TRIP4: variants seen among roughly 807,000 people sequenced by gnomAD.
TRIP4 encodes thyroid hormone receptor interactor 4.
In TRIP4, 54 loss-of-function variants were observed where a neutral mutation model predicts 81.8. That is an observed-to-expected ratio of 0.66 (90% confidence interval 0.53 to 0.83). TRIP4 has a LOEUF of 0.83. Among genes scored for constraint, TRIP4 ranks in the 40% least tolerant of loss-of-function variants. The pLI is 0.00. For synonymous variants in TRIP4, 270 were observed against 242.8 expected, an observed-to-expected ratio of 1.11 and a Z score of -1.04; for missense variants, 662 against 683.6, an observed-to-expected ratio of 0.97 and a Z score of 0.35.
chr15:64,434,549 T>C (rs1341177463), intron 11 of TRIP4, among the ~76,000 whole-genome samples: 16 of 151,556 alleles, frequency 1.1e-4, no homozygotes, highest in Non-Finnish European at 4.4e-5. Flanking sequence ...TAACATGATC[T>C]GAGGCTTGCT....
chr15:64,387,974 G>A lies in TRIP4; in HGVS notation c.101+10G>A. Reference sequence around the variant, plus strand: ...GCGAGGAGATCATTCAGTGAGAACAGTTCGGGTCCAAGCGGGGAAGGAGCT... The same window carrying A: ...GCGAGGAGATCATTCAGTGAGAACAATTCGGGTCCAAGCGGGGAAGGAGCT... On this transcript the variant is annotated intron_variant, in intron 1 of 12. Coordinates refer to ENST00000261884, the MANE Select transcript of TRIP4 (RefSeq NM_016213.5). 1 of 1,546,180 alleles carries A rather than the reference G, an allele frequency of 6.5e-7. No homozygotes were observed. The highest frequency in any genetic ancestry group is 8.7e-7 in the Non-Finnish European group (1 of 1,143,670).
chr15:64,423,190 C>G (rs1036681114), intron 9 of TRIP4, among the ~76,000 whole-genome samples: 1 of 152,012 alleles, frequency 6.6e-6, no homozygotes, highest in Non-Finnish European at 1.5e-5. Context: ...CAAATGGAGC[C>G]GGGCATGGTG....
intron 9 of TRIP4, among the ~76,000 whole-genome samples, chr15:64,421,612 A>G (rs963727937): frequency 5.9e-5 from 9 of 152,074 alleles, no homozygotes; most frequent in African/African-American, 2.2e-4. Flanking sequence ...CTGGGATTAC[A>G]GACATGAGCC....
chr15:64,406,881 T>C (rs909721027), intron 6 of TRIP4, among the ~76,000 whole-genome samples: 21 of 152,248 alleles, frequency 1.4e-4, no homozygotes, highest in Admixed American at 1.4e-3. Flanking sequence ...GGGCATGATT[T>C]ACCCTTCTCC....
At chr15:64,405,224 G>C (rs901860930) in intron 5 of TRIP4, among the ~76,000 whole-genome samples, 2 of 149,914 alleles carry the variant, frequency 1.3e-5, no homozygotes, top group Non-Finnish European at 3.0e-5. Flanking sequence ...GCACGGTCTC[G>C]GCTCACTGTA....
chr15:64,421,031 C>T (rs112187155), intron 9 of TRIP4, among the ~76,000 whole-genome samples: 2,860 of 151,376 alleles, frequency 0.019, 47 homozygotes, highest in Non-Finnish European at 0.029. Flanking sequence ...GAATACCGGC[C>T]GGTCACGGTG....
chr15:64,397,738 C>T lies in TRIP4; in HGVS notation c.538C>T (p.Leu180Phe). ...PCDCLGQKHK[L>F]INNCLICGRI... ...TGATTGCCTGGGCCAGAAGCACAAGCTCATCAATAACTGTCTGATCTGTGG... is the reference window on the plus strand; with the variant it reads ...TGATTGCCTGGGCCAGAAGCACAAGTTCATCAATAACTGTCTGATCTGTGG... The change falls in exon 4 of 13, where the codon CTC (leucine) becomes TTC (phenylalanine). Residue 180 changes from leucine (L) to phenylalanine (F), a missense_variant. Physicochemically the swap from Leu to Phe is conservative, Grantham distance 22. Transcript: ENST00000261884. 2 of 1,614,234 alleles carry T rather than the reference C, an allele frequency of 1.2e-6. No homozygotes were observed. The highest frequency in any genetic ancestry group is 1.7e-6 in the Non-Finnish European group (2 of 1,180,038).
intron 11 of TRIP4, among the ~76,000 whole-genome samples, chr15:64,434,807 A>G (rs1166868514): frequency 1.3e-5 from 2 of 152,220 alleles, no homozygotes; most frequent in Non-Finnish European, 1.5e-5. Context: ...AAAGTGGTCT[A>G]TTTGATCTAG....
intron 1 of TRIP4, among the ~76,000 whole-genome samples, chr15:64,389,356 A>C (rs1229135707): frequency 6.6e-6 from 1 of 152,136 alleles, no homozygotes; most frequent in Admixed American, 6.6e-5. Flanking sequence ...TTGAGGCCCT[A>C]GGAGATGGCT....
intron 11 of TRIP4, among the ~76,000 whole-genome samples, chr15:64,428,132 G>A (rs1892189968): frequency 6.6e-6 from 1 of 152,140 alleles, no homozygotes; most frequent in East Asian, 1.9e-4. Flanking sequence ...CTGGCAATGT[G>A]GATGATGGTT....
chr15:64,416,394 C>T (rs1432020510), intron 8 of TRIP4, among the ~76,000 whole-genome samples: 1 of 152,012 alleles, frequency 6.6e-6, no homozygotes, highest in Non-Finnish European at 1.5e-5. Flanking sequence ...ATAATTTGGG[C>T]CTCAAGATTG....
chr15:64,448,010 T>G (rs1892671998), intron 12 of TRIP4, among the ~76,000 whole-genome samples: 1 of 152,190 alleles, frequency 6.6e-6, no homozygotes, highest in South Asian at 2.1e-4. Flanking sequence ...TGTTTAGGAT[T>G]TAGATCTCCT....
chr15:64,431,599 G>A (rs1892272502), intron 11 of TRIP4, among the ~76,000 whole-genome samples: 1 of 151,670 alleles, frequency 6.6e-6, no homozygotes, highest in Non-Finnish European at 1.5e-5. Flanking sequence ...CCAGCTACTT[G>A]GGAGGCTGAG....
rs895576365 is a variant in TRIP4, at chr15:64,388,154, A to G, written c.101+190A>G. 3.8e-6 allele frequency: 4 copies of G among 1,053,638 alleles called. 1 individual carries two copies. Among genetic ancestry groups the G allele is most frequent in the East Asian group, 6.5e-5 (2 of 30,840 alleles). 65.3% of individuals were successfully genotyped at this position (1,053,638 alleles called of 1,614,324 possible). ...TTTCTGGAATAGGGTGTCCGGCTCC[A>G]CAGTCTGCCGGTCGGGCTTTTTTCC... On this transcript the variant is annotated intron_variant, in intron 1 of 12. Transcript: ENST00000261884.
At chr15:64,423,942 A>G in intron 9 of TRIP4, 89 bp from the exon 10 acceptor site, 1 of 1,524,124 alleles carries the variant, frequency 6.6e-7, no homozygotes, top group Non-Finnish European at 9.0e-7. Context: ...GTTCAACTGG[A>G]TAATTTGCTA....
At chr15:64,446,524 C>G (rs1205469789) in intron 12 of TRIP4, among the ~76,000 whole-genome samples, 1 of 150,154 alleles carries the variant, frequency 6.7e-6, no homozygotes, top group Non-Finnish European at 1.5e-5. Flanking sequence ...CCTGCCTCAC[C>G]CTCCCGAGTA....
At position 64,425,610 on chromosome 15, in the gene TRIP4, C is replaced by G. The variant is rs377638941; in HGVS notation, c.1554C>G (p.Ser518=). 4 of 1,611,002 alleles carry G rather than the reference C, an allele frequency of 2.5e-6. No individual in the cohort carries two copies. In the Admixed American group the frequency reaches 5.0e-5, roughly 20 times the overall value. The change falls in exon 11 of 13, where the codon TCC becomes TCG. Residue 518 remains serine (S), a synonymous_variant. Coordinates refer to ENST00000261884, the MANE Select transcript of TRIP4 (RefSeq NM_016213.5). ...LGCVDLIDCL[S]QKQFKEQFPD... ...GTGTGGACCTAATTGACTGCTTGTC[C>G]CAGAAGCAATTTAAGGAGCAGGTGA...
chr15:64,410,375 C>T (rs1320526979), intron 7 of TRIP4, among the ~76,000 whole-genome samples: 1 of 151,976 alleles, frequency 6.6e-6, no homozygotes, highest in East Asian at 1.9e-4. Flanking sequence ...AGAAATAGAT[C>T]AATGAAACAG....
Position 64,435,537 on chromosome 15 carries a change from AAAAAAT to A in TRIP4, c.1576-9467_1576-9462del, listed in dbSNP as rs1735066566. Among the ~76,000 whole-genome samples the A allele has an allele frequency of 2.6e-5, 4 of 151,156 alleles. No homozygotes were observed. In the Admixed American group the frequency reaches 2.7e-4, roughly 10 times the overall value. ...TGAGACTCTGTCTCAAAAAAAAAAA[AAAAAAT>A]ATTATTATTGCTTAGGATATTATAT... On this transcript the variant is annotated intron_variant, in intron 11 of 12. Transcript: ENST00000261884.
Sources: gnomAD v4.1 joint callset for allele counts (sites outside exome capture counted in the v4.1 genomes callset) on GRCh38, gnomAD v4.1.1 for gene constraint, MANE v1.5 for transcripts, NCBI Gene and HGNC (gene_info 2026-07-23, HGNC 2026-07-21) for gene names.